Variants in KIF15 observed in about 807,000 individuals in gnomAD.
The protein encoded by KIF15 is kinesin family member 15.
A neutral mutation model predicts 190.6 loss-of-function variants in KIF15; 140 were observed. The ratio of observed to expected loss-of-function variants is 0.73; its 90% confidence interval spans 0.64 to 0.84. KIF15 has a LOEUF of 0.84. Ranked by LOEUF, KIF15 falls within the 40% of genes least tolerant of loss-of-function variation. The probability of loss-of-function intolerance (pLI) is 0.00; values close to 1 mark genes in which losing one functional copy is unlikely to be tolerated. For synonymous variants in KIF15, 528 were observed against 551.3 expected, an observed-to-expected ratio of 0.96 and a Z score of 0.59; for missense variants, 1,372 against 1,584.4, an observed-to-expected ratio of 0.87 and a Z score of 2.28.
At chr3:44,792,593 C>T (rs924966832) in intron 7 of KIF15, among the ~76,000 whole-genome samples, 34 of 149,830 alleles carry the variant, frequency 2.3e-4, no homozygotes, top group Non-Finnish European at 1.0e-4. Flanking sequence ...GTTGCCCAGG[C>T]TGGAGCGGAA....
At chr3:44,843,661 A>C (rs1698716446) in intron 30 of KIF15, among the ~76,000 whole-genome samples, 1 of 152,152 alleles carries the variant, frequency 6.6e-6, no homozygotes, top group East Asian at 1.9e-4. Flanking sequence ...TTTACAGAGG[A>C]GCATTCACTT....
chr3:44,802,873 G>A lies in KIF15; in HGVS notation c.1569G>A (p.Glu523=), dbSNP rs538757267. Residue 523 remains glutamate (E), a synonymous_variant, in exon 14 of 35, where the codon GAG becomes GAA. Coordinates refer to ENST00000326047, the MANE Select transcript of KIF15 (RefSeq NM_020242.3). ...YAMENHSLRE[E]NRRLRLLEPV... ...TGGAAAATCATTCCCTCAGGGAGGA[G>A]AATAGAAGACTGAGATTATTAGAGC... 2 of 1,611,506 alleles carry A rather than the reference G, an allele frequency of 1.2e-6. 1 individual carries two copies. Among genetic ancestry groups the A allele is most frequent in the South Asian group, 2.2e-5 (2 of 90,518 alleles).
intron 16 of KIF15, among the ~76,000 whole-genome samples, chr3:44,808,621 G>T (rs1171717498): frequency 6.7e-6 from 1 of 148,908 alleles, no homozygotes; most frequent in Non-Finnish European, 1.5e-5. Context: ...AAAAAAAACG[G>T]TCATTCTTCA....
intron 28 of KIF15, 57 bp from the exon 29 acceptor site, chr3:44,841,017 G>T (rs1033107757): frequency 1.1e-5 from 16 of 1,462,612 alleles, no homozygotes; most frequent in Non-Finnish European, 1.3e-5. Context: ...ACGTTTAAAA[G>T]AAATCTTTAT....
At chr3:44,866,289 G>A (rs996003541) in intron 6 of KIF15, among the ~76,000 whole-genome samples, 4 of 152,048 alleles carry the variant, frequency 2.6e-5, no homozygotes, top group African/African-American at 4.8e-5. Context: ...ATCCAGGATA[G>A]TCTCGATCTC....
intron 1 of KIF15, among the ~76,000 whole-genome samples, chr3:44,770,227 G>T (rs1705583293): frequency 6.6e-6 from 1 of 152,184 alleles, no homozygotes; most frequent in African/African-American, 2.4e-5. Context: ...ACCATGATAG[G>T]ACTGAGTTGT....
rs768288955 is a variant in KIF15 at position 44,774,457 on chromosome 3, C to T, written c.62+20C>T. On this transcript the variant is annotated intron_variant, in intron 2 of 34. Transcript: ENST00000326047. ...ACCAAGGTAAGGAGAAAAATATTCT[C>T]AATGAGCTCCCAAAGGACTAGGGAT... is the stretch of plus-strand genomic sequence containing the variant. 4 of 1,593,510 alleles carry T rather than the reference C, an allele frequency of 2.5e-6. No homozygotes were observed. The highest frequency in any genetic ancestry group is 3.4e-6 in the Non-Finnish European group (4 of 1,162,068).
chr3:44,801,240 C>T (rs1457557935), intron 11 of KIF15, among the ~76,000 whole-genome samples: 2 of 150,284 alleles, frequency 1.3e-5, no homozygotes, highest in Admixed American at 1.3e-4. Context: ...GTTGGCCAGG[C>T]TGGTCTCGAA....
intron 30 of KIF15, among the ~76,000 whole-genome samples, chr3:44,843,907 T>C (rs1178059671): frequency 6.6e-6 from 1 of 152,334 alleles, no homozygotes. Flanking sequence ...GATTAAAAAT[T>C]ACATGTATAA....
intron 4 of KIF15, among the ~76,000 whole-genome samples, chr3:44,779,472 A>G (rs1706063414): frequency 6.6e-6 from 1 of 152,174 alleles, no homozygotes; most frequent in South Asian, 2.1e-4. Flanking sequence ...GACAATACCA[A>G]TTGTCAAGTA....
At chr3:44,819,855 T>A (rs2125674591) in intron 20 of KIF15, among the ~76,000 whole-genome samples, 1 of 152,328 alleles carries the variant, frequency 6.6e-6, no homozygotes, top group South Asian at 2.1e-4. Flanking sequence ...TGTTAAAGTC[T>A]CCCATTATTA....
intron 16 of KIF15, among the ~76,000 whole-genome samples, chr3:44,810,095 C>T (rs1426042754): frequency 2.6e-5 from 4 of 152,074 alleles, no homozygotes; most frequent in Non-Finnish European, 5.9e-5. Context: ...TATTTCTGGA[C>T]TTTGTATTTC....
At chr3:44,863,800 T>A (rs1300212552) in intron 6 of KIF15, 2 of 192,072 alleles carry the variant, frequency 1.0e-5, no homozygotes, top group African/African-American at 4.6e-5. Flanking sequence ...TCTCAAGAAA[T>A]AAGAACTCTA....
chr3:44,852,970 T>G lies in KIF15; in HGVS notation c.*235T>G. On this transcript the variant is annotated 3_prime_UTR_variant, in exon 35 of 35. Coordinates refer to ENST00000326047, the MANE Select transcript of KIF15 (RefSeq NM_020242.3). Reference sequence around the variant, plus strand: ...CCTACTTCAAGGCTTTGAATCAACTTAAGGGAAAACCTTTTGTCTTTGTAA... The same window carrying G: ...CCTACTTCAAGGCTTTGAATCAACTGAAGGGAAAACCTTTTGTCTTTGTAA... 3.0e-6 allele frequency: 1 copy of G among 338,810 alleles called. No individual in the cohort carries two copies. Among genetic ancestry groups the G allele is most frequent in the Non-Finnish European group, 5.3e-6 (1 of 190,380 alleles). 21.0% of individuals were successfully genotyped at this position (338,810 alleles called of 1,614,324 possible).
intron 4 of KIF15, 45 bp downstream of exon 4, chr3:44,778,236 A>G: frequency 7.1e-7 from 1 of 1,410,400 alleles, no homozygotes; most frequent in Non-Finnish European, 1.0e-6. Flanking sequence ...TGCTTGAATT[A>G]TTTTCCTGTT....
intron 14 of KIF15, among the ~76,000 whole-genome samples, chr3:44,804,182 A>G (rs1707394033): frequency 6.6e-6 from 1 of 152,110 alleles, no homozygotes; most frequent in Admixed American, 6.5e-5. Flanking sequence ...ACTTTTCCCT[A>G]CAGTGCCCTT....
At chr3:44,764,199 A>G (rs1705288905) in intron 1 of KIF15, among the ~76,000 whole-genome samples, 1 of 152,184 alleles carries the variant, frequency 6.6e-6, no homozygotes, top group African/African-American at 2.4e-5. Context: ...TAATGTAACC[A>G]CCATCCAGAT....
chr3:44,855,857 G>A (rs1366046042), downstream of KIF15, among the ~76,000 whole-genome samples: 1 of 152,160 alleles, frequency 6.6e-6, no homozygotes, highest in Non-Finnish European at 1.5e-5. Flanking sequence ...AGCATCCAAG[G>A]GGATTTAGTG....
At chr3:44,762,002 T>C in intron 1 of KIF15, 118 bp downstream of exon 1, 1 of 1,318,674 alleles carries the variant, frequency 7.6e-7, no homozygotes, top group Non-Finnish European at 1.1e-6. Flanking sequence ...AGGAGCTGAG[T>C]GACCGGCGGG....
Sources: allele counts gnomAD v4.1 joint callset (sites outside exome capture counted in the v4.1 genomes callset), GRCh38; gene constraint gnomAD v4.1.1; transcripts MANE v1.5; gene names NCBI Gene and HGNC (gene_info 2026-07-23, HGNC 2026-07-21).